Variants in USO1 observed in about 807,000 individuals in gnomAD.
The protein encoded by USO1 is USO1 vesicle transport factor.
A neutral mutation model predicts 124.5 loss-of-function variants in USO1; 57 were observed. That is an observed-to-expected ratio of 0.46 (90% CI 0.37 to 0.57). USO1 has a LOEUF of 0.57. Ranked by LOEUF, USO1 falls within the 20% of genes least tolerant of loss-of-function variation. The probability of loss-of-function intolerance (pLI) is 0.00; values close to 1 mark genes in which losing one functional copy is unlikely to be tolerated. For synonymous variants in USO1, 369 were observed against 362.8 expected (o/e 1.02, Z -0.19); for missense variants, 900 against 1,040.6 (o/e 0.86, Z 1.86).
chr4:75,796,339 C>CTATTTTTTTTTTTTTTT lies in USO1; in HGVS notation c.1452+2439_1452+2440insATTTTTTTTTTTTTTTT, dbSNP rs1722678247. On this transcript the variant is annotated intron_variant, in intron 13 of 23. Transcript: ENST00000514213. ...CATAATCCCAGAAAGTTCCATCATG[C>CTATTTTTTTTTTTTTTT]TCTTTTTTTTTTTTGAGACGGAGTC... 5.7e-5 allele frequency among the ~76,000 whole-genome samples: 2 copies of CTATTTTTTTTTTTTTTT among 34,936 alleles called. 1 individual carries two copies. Among genetic ancestry groups the CTATTTTTTTTTTTTTTT allele is most frequent in the Non-Finnish European group, 2.0e-4 (2 of 9,888 alleles). 22.9% of individuals were successfully genotyped at this position (34,936 alleles called of 152,430 possible).
chr4:75,753,929 A>G (rs1274490280), intron 3 of USO1, among the ~76,000 whole-genome samples: 1 of 151,558 alleles, frequency 6.6e-6, no homozygotes, highest in Non-Finnish European at 1.5e-5. Flanking sequence ...TACCTGTTAC[A>G]GGTGCCCACC....
rs368588490 is a variant in USO1, at chr4:75,749,748, G to A, written c.67-2625G>A. Among the ~76,000 whole-genome samples the A allele has an allele frequency of 2.0e-5, 3 of 146,432 alleles. No individual in the cohort carries two copies. In the East Asian group the frequency reaches 6.2e-4, roughly 30 times the overall value. On this transcript the variant is annotated intron_variant, in intron 1 of 23. Transcript: ENST00000514213. ...AGGACCCAAGTGTTTTTTAAACTAT[G>A]TTCTTTTTTTTTTTTTTCTCCCGAG... is the stretch of plus-strand genomic sequence containing the variant.
intron 1 of USO1, among the ~76,000 whole-genome samples, chr4:75,739,639 C>T (rs1213014347): frequency 6.6e-6 from 1 of 150,952 alleles, no homozygotes; most frequent in Non-Finnish European, 1.5e-5. Context: ...CTCCGCCTCC[C>T]GAGTTTAAGT....
At chr4:75,802,979 G>T (rs1330591633) in intron 17 of USO1, among the ~76,000 whole-genome samples, 1 of 149,574 alleles carries the variant, frequency 6.7e-6, no homozygotes, top group East Asian at 2.0e-4. Flanking sequence ...AGCTACTCAG[G>T]AGGATGAGGT....
rs1723206669 is a variant in USO1, at chr4:75,813,427, T to C, written c.*132T>C. 5 of 1,017,764 alleles carry C rather than the reference T, an allele frequency of 4.9e-6. No individual in the cohort carries two copies. The East Asian group carries it at 1.3e-4, about 26-fold the overall frequency. The allele number at this position is 1,017,764 out of a possible 1,614,324, so 63.0% of individuals were successfully genotyped here. ...ACATTCACTATTAAGACTATTGATA[T>C]ATTTTTGTAATGTTGCCACCCATGT... On this transcript the variant is annotated 3_prime_UTR_variant, in exon 24 of 24. Coordinates refer to ENST00000514213, the MANE Select transcript of USO1 (RefSeq NM_003715.4).
intron 9 of USO1, among the ~76,000 whole-genome samples, chr4:75,784,445 T>A (rs138660491): frequency 2.6e-5 from 4 of 152,304 alleles, no homozygotes; most frequent in African/African-American, 9.6e-5. Flanking sequence ...AAATTTAAAT[T>A]GTTTGAGGAA....
intron 20 of USO1, among the ~76,000 whole-genome samples, chr4:75,807,526 A>G (rs1723031458): frequency 6.6e-6 from 1 of 152,110 alleles, no homozygotes; most frequent in Non-Finnish European, 1.5e-5. Flanking sequence ...ATTTTGTCTT[A>G]TTTTGATAAT....
chr4:75,810,295 C>A, intron 21 of USO1, 137 bp from the exon 22 acceptor site: 1 of 987,960 alleles, frequency 1.0e-6, no homozygotes, highest in Non-Finnish European at 1.4e-6. Context: ...CTTTGTTGCA[C>A]ATAAATACAT....
At position 75,770,548 on chromosome 4, in the gene USO1, G is replaced by A. The variant is rs1177200637; in HGVS notation, c.396+9G>A. 3 of 1,556,770 alleles carry A rather than the reference G, an allele frequency of 1.9e-6. No individual in the cohort carries two copies. Among genetic ancestry groups the A allele is most frequent in the Non-Finnish European group, 8.7e-7 (1 of 1,152,096 alleles). On this transcript the variant is annotated intron_variant, in intron 5 of 23. Transcript: ENST00000514213. ...TGTTATCTTTATTGGAGGTAAATAG[G>A]GAACCTTGATGTTTTTGTCATCTTA... is the stretch of plus-strand genomic sequence containing the variant.
At chr4:75,730,138 C>CT (rs1198105635) in intron 1 of USO1, among the ~76,000 whole-genome samples, 2 of 152,080 alleles carry the variant, frequency 1.3e-5, no homozygotes, top group African/African-American at 2.4e-5. Flanking sequence ...TCGAAGCACT[C>CT]TTTTTAAGTA....
At chr4:75,794,783 C>T (rs1375881773) in intron 13 of USO1, among the ~76,000 whole-genome samples, 2 of 152,056 alleles carry the variant, frequency 1.3e-5, no homozygotes, top group African/African-American at 2.4e-5. Context: ...AACATTAGCT[C>T]CATCCATAGA....
At chr4:75,761,344 C>T (rs1253859726) in intron 4 of USO1, among the ~76,000 whole-genome samples, 2 of 151,950 alleles carry the variant, frequency 1.3e-5, no homozygotes, top group African/African-American at 4.8e-5. Context: ...CCCAGGAGTT[C>T]GAGGCTGCAG....
intron 4 of USO1, among the ~76,000 whole-genome samples, chr4:75,765,217 C>G (rs1213704244): frequency 1.3e-5 from 2 of 152,150 alleles, no homozygotes; most frequent in Non-Finnish European, 2.9e-5. Flanking sequence ...GAGAATATTA[C>G]TTGTCTTTTG....
intron 21 of USO1, 111 bp from the exon 22 acceptor site, chr4:75,810,321 C>T (rs994834635): frequency 1.6e-5 from 19 of 1,184,054 alleles, no homozygotes; most frequent in Admixed American, 3.2e-5. Context: ...ATTATATTTT[C>T]TGTTAGTGAA....
At position 75,724,855 on chromosome 4, in the gene USO1, T is replaced by G; in HGVS notation, c.36T>G (p.Ser12Arg). ...NFLRGVMGGQ[S>R]AGPQHTEAET... ...TCCGCGGGGTAATGGGGGGTCAGAG[T>G]GCCGGACCCCAGCACACAGAAGCCG... The change falls in exon 1 of 24, where the codon AGT becomes AGG. Residue 12 changes from serine (S) to arginine (R), a missense_variant. Ser to Arg is a moderately radical substitution (Grantham distance 110). Coordinates refer to ENST00000514213, the MANE Select transcript of USO1 (RefSeq NM_003715.4). 1.2e-6 allele frequency: 2 copies of G among 1,612,572 alleles called. No homozygotes were observed. Among genetic ancestry groups the G allele is most frequent in the Non-Finnish European group, 1.7e-6 (2 of 1,179,460 alleles).
chr4:75,789,282 C>CTGCTGT, intron 10 of USO1, among the ~76,000 whole-genome samples: 1 of 151,442 alleles, frequency 6.6e-6, no homozygotes, highest in East Asian at 1.9e-4. Context: ...TTTTGTGTTG[C>CTGCTGT]TGTTGTTGTT....
intron 3 of USO1, among the ~76,000 whole-genome samples, chr4:75,754,902 A>T (rs543085773): frequency 1.3e-5 from 2 of 152,270 alleles, no homozygotes; most frequent in South Asian, 4.2e-4. Flanking sequence ...GTTTCTGTGG[A>T]TCAGGAATTG....
chr4:75,794,307 A>G (rs1007830531), intron 13 of USO1, among the ~76,000 whole-genome samples: 1 of 152,176 alleles, frequency 6.6e-6, no homozygotes, highest in Non-Finnish European at 1.5e-5. Flanking sequence ...ATCATCTAGA[A>G]ACAATGGAAC....
At chr4:75,740,417 A>G (rs191885321) in intron 1 of USO1, among the ~76,000 whole-genome samples, 12 of 152,296 alleles carry the variant, frequency 7.9e-5, no homozygotes, top group African/African-American at 2.9e-4. Context: ...CCTCCTGAGT[A>G]GCTAGGACTA....
Sources: allele counts gnomAD v4.1 joint callset (sites outside exome capture counted in the v4.1 genomes callset), GRCh38; gene constraint gnomAD v4.1.1; transcripts MANE v1.5; gene names NCBI Gene and HGNC (gene_info 2026-07-23, HGNC 2026-07-21).